The following GALNTL6 variants were observed in gnomAD, a reference collection of about 807,000 sequenced individuals.
GALNTL6 encodes the protein polypeptide N-acetylgalactosaminyltransferase like 6.
GALNTL6 carries 46 observed loss-of-function variants against 73.7 expected under a neutral mutation model. The observed-to-expected ratio is 0.62, with a 90% CI of 0.49 to 0.80. The LOEUF is 0.80. GALNTL6 is among the 30% of genes least tolerant of loss of function. GALNTL6 has a pLI of 0.00. For missense variants in GALNTL6, 604 were observed against 755.0 expected (o/e 0.80, Z 2.34); for synonymous variants, 259 against 263.7 (o/e 0.98, Z 0.17).
In GALNTL6 at chr4:172,309,011, C is replaced by T. The variant is rs182672498; in HGVS notation, c.248-2603C>T. On this transcript the variant is annotated intron_variant, in intron 3 of 12. Coordinates refer to ENST00000506823, the MANE Select transcript of GALNTL6 (RefSeq NM_001034845.3). ...TTCTCACTGATTTGTTTTCCATTTA[C>T]GTTGAAAAGTAATAAATGACATTTT... Among the ~76,000 whole-genome samples, 291 of 152,136 alleles carry T rather than the reference C, an allele frequency of 1.9e-3. 2 individuals carry two copies. The highest frequency in any genetic ancestry group is 0.017 in the East Asian group (88 of 5,184).
intron 7 of GALNTL6, among the ~76,000 whole-genome samples, chr4:172,836,582 C>T (rs1196431601): frequency 1.3e-5 from 2 of 152,160 alleles, no homozygotes; most frequent in African/African-American, 4.8e-5. Flanking sequence ...AATGTAAATA[C>T]ATGTAACTTC....
At chr4:172,891,605 CTA>C (rs942633137) in intron 8 of GALNTL6, among the ~76,000 whole-genome samples, 1 of 152,160 alleles carries the variant, frequency 6.6e-6, no homozygotes, top group Non-Finnish European at 1.5e-5. Context: ...AGTCTGATGA[CTA>C]TATGTCCTGG....
intron 3 of GALNTL6, among the ~76,000 whole-genome samples, chr4:172,281,023 G>A (rs7671890): frequency 0.42 from 62,738 of 150,490 alleles, 12,998 homozygotes; most frequent in Admixed American, 0.45. Context: ...AAAAAAATTA[G>A]CCGGGCGTGG....
intron 3 of GALNTL6, among the ~76,000 whole-genome samples, chr4:172,274,602 T>C (rs994121430): frequency 5.9e-5 from 9 of 152,148 alleles, no homozygotes; most frequent in African/African-American, 2.2e-4. Context: ...TCATGGAGAA[T>C]AAAATGATTG....
intron 2 of GALNTL6, among the ~76,000 whole-genome samples, chr4:172,140,655 C>T (rs1579177582): frequency 6.6e-6 from 1 of 151,990 alleles, no homozygotes; most frequent in African/African-American, 2.4e-5. Context: ...ATGTTCTCAA[C>T]TGTTATGTTA....
intron 2 of GALNTL6, among the ~76,000 whole-genome samples, chr4:172,074,490 AATTGCCTTTGTCTGTGGG>A (rs1396781728): frequency 6.6e-6 from 1 of 151,424 alleles, no homozygotes; most frequent in Non-Finnish European, 1.5e-5. Flanking sequence ...TGCCATCCAC[AATTGCCTTTGTCTGTGGG>A]AACTTCTTTA....
At chr4:172,144,102 G>C (rs925593983) in intron 2 of GALNTL6, among the ~76,000 whole-genome samples, 7 of 152,090 alleles carry the variant, frequency 4.6e-5, no homozygotes, top group African/African-American at 1.7e-4. Flanking sequence ...CATGACTTCA[G>C]GGGAATACAA....
intron 2 of GALNTL6, among the ~76,000 whole-genome samples, chr4:171,849,916 T>C (rs545049936): frequency 9.9e-4 from 151 of 152,346 alleles, no homozygotes; most frequent in African/African-American, 3.6e-3. Flanking sequence ...TTCTGACACA[T>C]GCTCATTGAA....
chr4:172,454,089 A>T (rs899423969), intron 5 of GALNTL6, among the ~76,000 whole-genome samples: 1 of 152,212 alleles, frequency 6.6e-6, no homozygotes, highest in African/African-American at 2.4e-5. Context: ...CAGTGGAGGA[A>T]AAGATAACTG....
intron 2 of GALNTL6, among the ~76,000 whole-genome samples, chr4:171,838,231 C>G (rs1322059178): frequency 6.6e-6 from 1 of 151,992 alleles, no homozygotes; most frequent in African/African-American, 2.4e-5. Context: ...TCAAGCAATT[C>G]TCCTGACTCA....
chr4:172,029,811 C>T (rs1490461523), intron 2 of GALNTL6, among the ~76,000 whole-genome samples: 2 of 152,030 alleles, frequency 1.3e-5, no homozygotes, highest in East Asian at 3.9e-4. Flanking sequence ...AGCATGGTGG[C>T]TGGGACACAG....
At chr4:172,975,734 G>A (rs979567202) in intron 10 of GALNTL6, among the ~76,000 whole-genome samples, 2 of 152,154 alleles carry the variant, frequency 1.3e-5, no homozygotes, top group African/African-American at 4.8e-5. Flanking sequence ...TCATCGGCGA[G>A]GGGGCTAAGG....
intron 2 of GALNTL6, among the ~76,000 whole-genome samples, chr4:171,960,810 C>G (rs1205484368): frequency 1.3e-5 from 2 of 150,792 alleles, no homozygotes; most frequent in African/African-American, 2.4e-5. Flanking sequence ...ACTATTACAA[C>G]TGATGGGAGC....
In GALNTL6 at chr4:172,952,256, G is replaced by A. The variant is rs775517964; in HGVS notation, c.1369G>A (p.Glu457Lys). The A allele has an allele frequency of 1.2e-6, 2 of 1,612,888 alleles. No individual in the cohort carries two copies. The highest frequency in any genetic ancestry group is 8.5e-7 in the Non-Finnish European group (1 of 1,179,094). The change falls in exon 10 of 13, where the codon GAG becomes AAG. Residue 457 changes from glutamate to lysine, a missense_variant and splice_region_variant. Glu to Lys is a moderately conservative substitution (Grantham distance 56). Coordinates refer to ENST00000506823, the MANE Select transcript of GALNTL6 (RefSeq NM_001034845.3). ...PVEPPPAAWG[E>K]IRNVAANLCV... ...GGAGCCCCCGCCTGCTGCCTGGGGG[G>A]AGGTGAGGAAAGGTTGCCTGAAACC...
intron 2 of GALNTL6, among the ~76,000 whole-genome samples, chr4:172,152,900 G>A (rs1336906847): frequency 1.3e-5 from 2 of 152,172 alleles, no homozygotes; most frequent in East Asian, 1.9e-4. Context: ...GTGAGCCACC[G>A]TGCCAGACCG....
intron 2 of GALNTL6, among the ~76,000 whole-genome samples, chr4:171,974,321 T>C (rs1226948248): frequency 6.6e-6 from 1 of 152,166 alleles, no homozygotes; most frequent in Admixed American, 6.5e-5. Flanking sequence ...CAGACACCAT[T>C]ACCAATGAAA....
intron 7 of GALNTL6, among the ~76,000 whole-genome samples, chr4:172,863,190 G>A (rs1488796505): frequency 2.6e-5 from 4 of 152,220 alleles, no homozygotes; most frequent in African/African-American, 4.8e-5. Flanking sequence ...CTAGGGCAGT[G>A]AAAAAGGGAA....
At chr4:172,384,969 T>TTGTGTG (rs71655291) in intron 5 of GALNTL6, among the ~76,000 whole-genome samples, 12 of 145,386 alleles carry the variant, frequency 8.3e-5, no homozygotes, top group East Asian at 4.0e-4. Context: ...TGTTGTAATT[T>TTGTGTG]TGTGTGTGTG....
intron 5 of GALNTL6, among the ~76,000 whole-genome samples, chr4:172,439,950 A>C (rs1370978652): frequency 6.6e-6 from 1 of 152,078 alleles, no homozygotes; most frequent in African/African-American, 2.4e-5. Context: ...CCTAGTTTAC[A>C]TTAGGGCTCA....
Sources: gnomAD v4.1 joint callset for allele counts (sites outside exome capture counted in the v4.1 genomes callset) on GRCh38, gnomAD v4.1.1 for gene constraint, MANE v1.5 for transcripts, NCBI Gene and HGNC (gene_info 2026-07-23, HGNC 2026-07-21) for gene names.